The following CFAP299 variants were observed in gnomAD, a reference collection of about 807,000 sequenced individuals.
CFAP299 encodes the protein cilia and flagella associated protein 299.
Under a neutral mutation model 27.0 loss-of-function variants are expected in CFAP299, and 21 were observed. The ratio of observed to expected loss-of-function variants is 0.78; its 90% CI spans 0.55 to 1.12. The LOEUF is 1.12. CFAP299 is among the 50% of genes most tolerant of loss of function. CFAP299 has a pLI of 0.00. For synonymous variants in CFAP299, 104 were observed against 98.1 expected (o/e 1.06, Z -0.36); for missense variants, 310 against 276.6 (o/e 1.12, Z -0.86).
chr4:80,848,400 C>T (rs537843394), intron 3 of CFAP299, among the ~76,000 whole-genome samples: 205 of 152,238 alleles, frequency 1.3e-3, no homozygotes, highest in African/African-American at 4.4e-3. Flanking sequence ...CAAACCTAGA[C>T]GCCTATTGCT....
chr4:80,435,986 T>C (rs1163248174), intron 2 of CFAP299, among the ~76,000 whole-genome samples: 1 of 152,200 alleles, frequency 6.6e-6, no homozygotes, highest in African/African-American at 2.4e-5. Context: ...AGAGGGACTT[T>C]CAGCTGGGTG....
At chr4:80,661,325 CAA>C (rs760056982) in intron 3 of CFAP299, among the ~76,000 whole-genome samples, 21 of 62,942 alleles carry the variant, frequency 3.3e-4, no homozygotes, top group Admixed American at 1.2e-3. Flanking sequence ...AACTCCATCT[CAA>C]AAAAAAAAAA....
At chr4:80,807,745 C>T (rs1000865114) in intron 3 of CFAP299, among the ~76,000 whole-genome samples, 20 of 152,048 alleles carry the variant, frequency 1.3e-4, no homozygotes, top group African/African-American at 4.8e-4. Context: ...TCGTGGTTTA[C>T]TATATATTCC....
intron 2 of CFAP299, among the ~76,000 whole-genome samples, chr4:80,507,900 A>G (rs1408495411): frequency 6.6e-6 from 1 of 152,188 alleles, no homozygotes; most frequent in Non-Finnish European, 1.5e-5. Flanking sequence ...AGATGACACA[A>G]TAACAGTTTT....
chr4:80,921,699 G>A (rs1027117485), intron 4 of CFAP299, among the ~76,000 whole-genome samples: 2 of 151,966 alleles, frequency 1.3e-5, no homozygotes, highest in Non-Finnish European at 2.9e-5. Context: ...AAATCTGTGT[G>A]TGCAAAACAC....
chr4:80,567,188 C>T (rs1356262740), intron 2 of CFAP299, among the ~76,000 whole-genome samples: 1 of 151,994 alleles, frequency 6.6e-6, no homozygotes, highest in Non-Finnish European at 1.5e-5. Flanking sequence ...GTGCCTCTAA[C>T]AATTGAAATC....
At chr4:80,777,675 T>C (rs1486638859) in intron 3 of CFAP299, among the ~76,000 whole-genome samples, 2 of 152,162 alleles carry the variant, frequency 1.3e-5, no homozygotes, top group Non-Finnish European at 2.9e-5. Flanking sequence ...GCTTGTGTCC[T>C]GATTTCAATA....
chr4:80,908,205 G>A (rs1560472375), intron 4 of CFAP299, among the ~76,000 whole-genome samples: 1 of 152,182 alleles, frequency 6.6e-6, no homozygotes, highest in Admixed American at 6.5e-5. Flanking sequence ...CGTGTGTAAT[G>A]CACTGTGGTG....
intron 3 of CFAP299, among the ~76,000 whole-genome samples, chr4:80,787,330 T>G (rs947316525): frequency 2.0e-5 from 3 of 151,486 alleles, no homozygotes; most frequent in African/African-American, 7.3e-5. Context: ...GTGTGTGTTT[T>G]ACTTAGAATT....
At chr4:80,631,747 G>C (rs1739213945) in intron 3 of CFAP299, among the ~76,000 whole-genome samples, 1 of 151,000 alleles carries the variant, frequency 6.6e-6, no homozygotes, top group Non-Finnish European at 1.5e-5. Context: ...TTTTGTGATT[G>C]CTTTAGCCAC....
intron 4 of CFAP299, among the ~76,000 whole-genome samples, chr4:80,910,567 C>T (rs184513936): frequency 7.7e-4 from 117 of 152,170 alleles, no homozygotes; most frequent in African/African-American, 2.7e-3. Context: ...CCAACTAATG[C>T]AGGAACAGAA....
At chr4:80,387,032 A>G (rs962364786) in intron 2 of CFAP299, 2 of 1,334,704 alleles carry the variant, frequency 1.5e-6, no homozygotes, top group Non-Finnish European at 2.2e-6. Flanking sequence ...GGTAGCGTTC[A>G]CAAGGAAACA....
intron 2 of CFAP299, among the ~76,000 whole-genome samples, chr4:80,572,475 T>G (rs902537217): frequency 2.7e-5 from 4 of 150,106 alleles, no homozygotes; most frequent in African/African-American, 9.7e-5. Flanking sequence ...ACCTCAAGTT[T>G]CATGTATGTT....
chr4:80,608,441 T>C (rs1737789895), intron 3 of CFAP299: 3 of 1,084,404 alleles, frequency 2.8e-6, no homozygotes, highest in Non-Finnish European at 4.1e-6. Context: ...TTTGGCTTCA[T>C]CCTACATATA....
intron 2 of CFAP299, among the ~76,000 whole-genome samples, chr4:80,444,938 G>T (rs1263128121): frequency 3.3e-5 from 5 of 152,184 alleles, no homozygotes; most frequent in Non-Finnish European, 7.3e-5. Flanking sequence ...ATCATCATTG[G>T]TCATTAGAGA....
At chr4:80,820,750 C>T (rs923329533) in intron 3 of CFAP299, among the ~76,000 whole-genome samples, 1 of 152,126 alleles carries the variant, frequency 6.6e-6, no homozygotes. Flanking sequence ...CGCATTTCCT[C>T]GCCTGCCATA....
At chr4:80,547,313 A>G (rs1192249321) in intron 2 of CFAP299, among the ~76,000 whole-genome samples, 2 of 152,038 alleles carry the variant, frequency 1.3e-5, no homozygotes, top group Non-Finnish European at 2.9e-5. Context: ...TTATTCAATA[A>G]ATGGTAGCCA....
chr4:80,732,525 A>G (rs1378541380), intron 3 of CFAP299, among the ~76,000 whole-genome samples: 1 of 152,158 alleles, frequency 6.6e-6, no homozygotes, highest in Non-Finnish European at 1.5e-5. Context: ...CTATTCTTTA[A>G]TTCTAATTTT....
At chr4:80,687,071 G>A (rs1343651522) in intron 3 of CFAP299, among the ~76,000 whole-genome samples, 2 of 152,122 alleles carry the variant, frequency 1.3e-5, no homozygotes, top group African/African-American at 2.4e-5. Flanking sequence ...AGACATTCAA[G>A]TCATTCCAAC....
Sources: allele counts gnomAD v4.1 joint callset (sites outside exome capture counted in the v4.1 genomes callset), GRCh38; gene constraint gnomAD v4.1.1; transcripts MANE v1.5; gene names NCBI Gene and HGNC (gene_info 2026-07-23, HGNC 2026-07-21).